Variants in ACSL1 observed in about 807,000 individuals in gnomAD.
ACSL1 encodes the protein long-chain-fatty-acid--CoA ligase 1.
ACSL1 carries 41 observed loss-of-function variants against 98.4 expected under a neutral mutation model. That is an observed-to-expected ratio of 0.42 (90% CI 0.32 to 0.54). The LOEUF is 0.54. Ranked by LOEUF, ACSL1 falls within the 20% of genes least tolerant of loss-of-function variation. The pLI is 0.13. For synonymous variants in ACSL1, 316 were observed against 322.7 expected (o/e 0.98, Z 0.22); for missense variants, 734 against 883.1 (o/e 0.83, Z 2.14).
At chr4:184,811,514 A>G (rs1772117457) in intron 1 of ACSL1, among the ~76,000 whole-genome samples, 1 of 152,182 alleles carries the variant, frequency 6.6e-6, no homozygotes, top group Admixed American at 6.6e-5. Context: ...ACCTTTAAAA[A>G]GAAGGAAATT....
chr4:184,789,810 T>C (rs1335453916), intron 2 of ACSL1, among the ~76,000 whole-genome samples: 2 of 151,814 alleles, frequency 1.3e-5, no homozygotes, highest in Non-Finnish European at 1.5e-5. Flanking sequence ...CATCCAGACA[T>C]CCACAGAAAG....
At chr4:184,767,902 TC>T (rs1763870305) in intron 12 of ACSL1, 1 of 225,732 alleles carries the variant, frequency 4.4e-6, no homozygotes, top group Non-Finnish European at 8.5e-6. Context: ...GTTTTACATG[TC>T]CATGCAAGGA....
At chr4:184,782,840 T>C (rs1766544151) in intron 4 of ACSL1, among the ~76,000 whole-genome samples, 1 of 151,800 alleles carries the variant, frequency 6.6e-6, no homozygotes, top group Non-Finnish European at 1.5e-5. Flanking sequence ...CGGGGAGAAA[T>C]CATGCACTTC....
intron 10 of ACSL1, among the ~76,000 whole-genome samples, chr4:184,772,451 C>A (rs1561189703): frequency 2.0e-5 from 3 of 152,172 alleles, no homozygotes. Context: ...TCAATAAGCA[C>A]CTTTTTAAAA....
intron 2 of ACSL1, among the ~76,000 whole-genome samples, chr4:184,800,228 G>A (rs1332234284): frequency 2.0e-5 from 3 of 152,166 alleles, no homozygotes; most frequent in African/African-American, 7.2e-5. Context: ...TTTTCCATAT[G>A]AGGAATCTGA....
intron 2 of ACSL1, among the ~76,000 whole-genome samples, chr4:184,797,416 C>T (rs1023412165): frequency 2.0e-5 from 3 of 152,308 alleles, no homozygotes; most frequent in African/African-American, 7.2e-5. Context: ...ACCAGCCACA[C>T]GGGGAAATCC....
intron 7 of ACSL1, among the ~76,000 whole-genome samples, chr4:184,775,690 T>C (rs1176286489): frequency 1.3e-5 from 2 of 152,196 alleles, no homozygotes; most frequent in African/African-American, 2.4e-5. Context: ...TCCTTACTTA[T>C]AGCCTCAAAT....
chr4:184,780,506 G>T, intron 4 of ACSL1, 73 bp from the exon 5 acceptor site: 1 of 1,090,750 alleles, frequency 9.2e-7, no homozygotes, highest in Non-Finnish European at 1.4e-6. Flanking sequence ...CAGACGGCAG[G>T]CTTGTATCTC....
intron 1 of ACSL1, among the ~76,000 whole-genome samples, chr4:184,820,028 T>C (rs188648098): frequency 6.6e-6 from 1 of 151,730 alleles, no homozygotes; most frequent in East Asian, 1.9e-4. Flanking sequence ...CGTCCAGCCA[T>C]TCTTTGAACA....
At position 184,765,960 on chromosome 4, in the gene ACSL1, C is replaced by G; in HGVS notation, c.1290G>C (p.Leu430=). Residue 430 remains leucine, a synonymous_variant, in exon 14 of 21, where the codon CTG becomes CTC. Transcript: ENST00000281455. The part of the protein sequence containing the change: ...VQSSLGGRVR[L]MVTGAAPVSA... ...ACACCGGGGCGGCTCCTGTCACCAT[C>G]AGCCGGACTCTTCCGCCCAGGCTCG... The G allele has an allele frequency of 6.2e-7, 1 of 1,613,958 alleles. No individual in the cohort carries two copies. The highest frequency in any genetic ancestry group is 2.2e-5 in the East Asian group (1 of 44,888).
intron 2 of ACSL1, among the ~76,000 whole-genome samples, chr4:184,797,923 C>A (rs1047783877): frequency 1.3e-5 from 2 of 152,210 alleles, no homozygotes; most frequent in Admixed American, 1.3e-4. Context: ...AGCGCCACAT[C>A]CTCTGTGGCA....
intron 18 of ACSL1, chr4:184,758,262 T>A (rs549011545): frequency 2.1e-4 from 42 of 204,774 alleles, no homozygotes; most frequent in East Asian, 6.4e-4. Context: ...TAACTGCTTT[T>A]AAAAAAAAAA....
rs1474244922 is a variant in ACSL1 at position 184,757,606 on chromosome 4, G to A, written c.1956+29C>T. On this transcript the variant is annotated intron_variant, in intron 20 of 20. Coordinates refer to ENST00000281455, the MANE Select transcript of ACSL1 (RefSeq NM_001995.5). This position sits in a 1 kb window ranked among gnomAD's most constrained non-coding sequence, Gnocchi z 4.5. ...TCTTAATGGAAAATTTGTTTTACAG[G>A]AATTCACCCACTCAGATGAAGGTCA... 2 of 1,591,454 alleles carry A rather than the reference G, an allele frequency of 1.3e-6. No individual in the cohort carries two copies. The highest frequency in any genetic ancestry group is 2.2e-5 in the East Asian group (1 of 44,766).
chr4:184,823,649 A>T lies in ACSL1; in HGVS notation c.-33+2267T>A, dbSNP rs190272741. ...CCACAAAACAGTTACATCAAAAAAG[A>T]TGTAGCAAGACCTAGACATTAAGCA... On this transcript the variant is annotated intron_variant, in intron 1 of 20. Transcript: ENST00000281455. Among the ~76,000 whole-genome samples, 10 of 152,320 alleles carry T rather than the reference A, an allele frequency of 6.6e-5. No individual in the cohort carries two copies. In the East Asian group the frequency reaches 1.9e-3, roughly 29 times the overall value.
upstream of ACSL1, chr4:184,826,487 C>G (rs1773496610): frequency 6.9e-6 from 1 of 144,092 alleles, no homozygotes; most frequent in South Asian, 2.3e-4. Flanking sequence ...ACGGGCGCGG[C>G]CCCACAGGGT....
intron 18 of ACSL1, chr4:184,758,898 C>G: frequency 9.0e-6 from 1 of 111,238 alleles, no homozygotes; most frequent in South Asian, 3.8e-4. Flanking sequence ...TCCCTCCCTC[C>G]CTCCCCCCAC....
At chr4:184,807,866 C>T (rs193206153) in intron 1 of ACSL1, among the ~76,000 whole-genome samples, 104 of 152,254 alleles carry the variant, frequency 6.8e-4, no homozygotes, top group African/African-American at 2.5e-3. Flanking sequence ...ACTCTAAATC[C>T]AACCTATGCT....
intron 1 of ACSL1, among the ~76,000 whole-genome samples, chr4:184,822,248 C>G (rs895160999): frequency 6.6e-6 from 1 of 152,188 alleles, no homozygotes; most frequent in South Asian, 2.1e-4. Flanking sequence ...CTATTTGCCT[C>G]CAGATGATCA....
intron 1 of ACSL1, among the ~76,000 whole-genome samples, chr4:184,816,346 G>C (rs1772636190): frequency 1.3e-5 from 2 of 152,040 alleles, no homozygotes; most frequent in Admixed American, 1.3e-4. Flanking sequence ...AGAGGTACTG[G>C]TGACAACCAC....
Sources: gnomAD v4.1 joint callset for allele counts (sites outside exome capture counted in the v4.1 genomes callset) on GRCh38, gnomAD v4.1.1 for gene constraint, Gnocchi (gnomAD v3.1) non-coding constraint, MANE v1.5 for transcripts, NCBI Gene and HGNC (gene_info 2026-07-23, HGNC 2026-07-21) for gene names.